FAM13A: variants seen among roughly 807,000 people sequenced by gnomAD.
FAM13A encodes family with sequence similarity 13 member A.
A neutral mutation model predicts 129.6 loss-of-function variants in FAM13A; 76 were observed. The ratio of observed to expected loss-of-function variants is 0.59; its 90% CI spans 0.49 to 0.71. The LOEUF is 0.71. Ranked by LOEUF, FAM13A falls within the 30% of genes least tolerant of loss-of-function variation. FAM13A has a pLI of 0.00. For synonymous variants in FAM13A, 443 were observed against 449.9 expected (o/e 0.98, Z 0.20); for missense variants, 1,108 against 1,249.3 (o/e 0.89, Z 1.70).
chr4:88,919,747 T>A (rs1750708076), intron 5 of FAM13A, among the ~76,000 whole-genome samples: 1 of 152,186 alleles, frequency 6.6e-6, no homozygotes, highest in Non-Finnish European at 1.5e-5. Flanking sequence ...GGGCAAGGCA[T>A]TGCCTCACTC....
intron 4 of FAM13A, among the ~76,000 whole-genome samples, chr4:88,974,317 T>C (rs1010326094): frequency 3.9e-5 from 6 of 152,138 alleles, no homozygotes; most frequent in Non-Finnish European, 7.4e-5. Flanking sequence ...CTGACCAATT[T>C]TGGGGCACTT....
chr4:88,911,607 G>C (rs1319076556), intron 5 of FAM13A, among the ~76,000 whole-genome samples: 3 of 152,086 alleles, frequency 2.0e-5, no homozygotes, highest in African/African-American at 7.2e-5. Context: ...CTTCCCTGTT[G>C]TTGCAATGAG....
intron 1 of FAM13A, among the ~76,000 whole-genome samples, chr4:89,034,466 C>T (rs567841058): frequency 1.6e-4 from 24 of 152,292 alleles, no homozygotes; most frequent in African/African-American, 5.8e-4. Context: ...CATTTATATG[C>T]TGTTGGTAAG....
chr4:88,808,877 A>G (rs1729092938), intron 7 of FAM13A, among the ~76,000 whole-genome samples: 2 of 152,160 alleles, frequency 1.3e-5, no homozygotes, highest in African/African-American at 4.8e-5. Flanking sequence ...TATATTCTCA[A>G]AATAACTGCT....
chr4:88,767,672 GATTTA>G (rs763447821), intron 12 of FAM13A, 77 bp from the exon 13 acceptor site: 1,211 of 1,172,674 alleles, frequency 1.0e-3, no homozygotes, highest in Non-Finnish European at 1.3e-3. Flanking sequence ...CTGATATTAT[GATTTA>G]ATTTAAGAGT....
intron 7 of FAM13A, among the ~76,000 whole-genome samples, chr4:88,841,129 T>A (rs72872141): frequency 0.07 from 10,662 of 152,210 alleles, 532 homozygotes; most frequent in African/African-American, 0.14. Context: ...TGTCATCAAC[T>A]TTATAAACAA....
chr4:88,965,382 G>A (rs1025279047), intron 4 of FAM13A, among the ~76,000 whole-genome samples: 1 of 152,128 alleles, frequency 6.6e-6, no homozygotes, highest in Non-Finnish European at 1.5e-5. Flanking sequence ...TAAACAAAAT[G>A]TTCTTCTTTA....
chr4:88,728,104 T>C lies in FAM13A; in HGVS notation c.*429A>G, dbSNP rs1344590951. On this transcript the variant is annotated 3_prime_UTR_variant, in exon 24 of 24. Coordinates refer to ENST00000264344, the MANE Select transcript of FAM13A (RefSeq NM_014883.4). ...ATGGCCCTCCACAGCAAGTTTGCTC[T>C]ATAGAATAAAGTCCTGAGCTTGTTT... is the stretch of plus-strand genomic sequence containing the variant. 3.1e-5 allele frequency: 5 copies of C among 163,400 alleles called. No individual in the cohort carries two copies. Among genetic ancestry groups the C allele is most frequent in the Non-Finnish European group, 2.7e-5 (2 of 74,326 alleles). The allele number at this position is 163,400 out of a possible 1,614,324, so 10.1% of individuals were successfully genotyped here. A position where few individuals can be genotyped will look rare whatever the true frequency, so the allele number is the denominator to read the frequency against.
At chr4:88,864,687 A>G (rs963757906) in intron 6 of FAM13A, among the ~76,000 whole-genome samples, 18 of 152,208 alleles carry the variant, frequency 1.2e-4, no homozygotes, top group Admixed American at 1.2e-3. Context: ...GATTACAGGC[A>G]TGAGCCACCA....
chr4:89,056,388 T>C (rs1389090533), intron 1 of FAM13A, among the ~76,000 whole-genome samples: 1 of 152,168 alleles, frequency 6.6e-6, no homozygotes, highest in African/African-American at 2.4e-5. Flanking sequence ...TGCTACTGTG[T>C]TATAACAACC....
At chr4:88,779,170 T>C (rs1469168397) in intron 11 of FAM13A, among the ~76,000 whole-genome samples, 1 of 152,214 alleles carries the variant, frequency 6.6e-6, no homozygotes, top group Non-Finnish European at 1.5e-5. Context: ...GTTACCTGTT[T>C]TTCTCACTAT....
In FAM13A at chr4:88,728,481, G is replaced by A. The variant is rs764659890; in HGVS notation, c.*52C>T. On this transcript the variant is annotated 3_prime_UTR_variant, in exon 24 of 24. Transcript: ENST00000264344. Reference sequence around the variant, plus strand: ...CCTTCCAGAGCTGCACTTTCTCTGGGGACAGTAAACTCTCACCGCAGCTGC... The same window carrying A: ...CCTTCCAGAGCTGCACTTTCTCTGGAGACAGTAAACTCTCACCGCAGCTGC... The A allele has an allele frequency of 9.4e-5, 152 of 1,610,546 alleles. No homozygotes were observed. In the Admixed American group the frequency reaches 1.3e-3, roughly 14 times the overall value.
intron 19 of FAM13A, among the ~76,000 whole-genome samples, chr4:88,746,086 A>C (rs918786524): frequency 2.0e-5 from 3 of 152,202 alleles, no homozygotes; most frequent in African/African-American, 7.2e-5. Flanking sequence ...TTAGATGAAA[A>C]GACTATCATA....
At chr4:89,053,448 T>A (rs1771847149) in intron 1 of FAM13A, among the ~76,000 whole-genome samples, 1 of 152,132 alleles carries the variant, frequency 6.6e-6, no homozygotes. Context: ...TTGCTGTGAT[T>A]TAAGTTGATT....
rs773575695 is a variant in FAM13A, at chr4:88,737,486, A to G, written c.2632T>C (p.Phe878Leu). ...PIIEGETASF[F>L]KEIKEEEEGS... ...GGGGTCTTCACCTTTATCTCCTTGA[A>G]GAAGGAAGCAGTTTCGCCCTCGATA... The change falls in exon 21 of 24, where the codon TTC becomes CTC. Residue 878 changes from phenylalanine to leucine, a missense_variant. Coordinates refer to ENST00000264344, the MANE Select transcript of FAM13A (RefSeq NM_014883.4). 1 of 1,613,988 alleles carries G rather than the reference A, an allele frequency of 6.2e-7. No individual in the cohort carries two copies. Among genetic ancestry groups the G allele is most frequent in the South Asian group, 1.1e-5 (1 of 91,070 alleles).
At chr4:88,743,714 G>A (rs373470874) in intron 19 of FAM13A, among the ~76,000 whole-genome samples, 1 of 152,108 alleles carries the variant, frequency 6.6e-6, no homozygotes, top group Non-Finnish European at 1.5e-5. Context: ...CTCTAATAGG[G>A]TTTCGCCAAG....
intron 2 of FAM13A, among the ~76,000 whole-genome samples, chr4:89,024,507 T>C (rs1004030716): frequency 4.6e-5 from 7 of 152,210 alleles, no homozygotes; most frequent in Admixed American, 4.6e-4. Context: ...TGCCAAATTG[T>C]TAAATTGCAT....
intron 8 of FAM13A, among the ~76,000 whole-genome samples, chr4:88,803,852 G>GCCTAAATATAA (rs1728027195): frequency 6.6e-6 from 1 of 152,194 alleles, no homozygotes; most frequent in Non-Finnish European, 1.5e-5. Flanking sequence ...TGAAGTACTA[G>GCCTAAATATAA]TGGTTGAATT....
intron 4 of FAM13A, among the ~76,000 whole-genome samples, chr4:88,983,861 A>G (rs1340488896): frequency 1.3e-5 from 2 of 152,226 alleles, no homozygotes; most frequent in African/African-American, 4.8e-5. Context: ...TCTGAAAAGA[A>G]GAACAAACTT....
Sources: allele counts gnomAD v4.1 joint callset (sites outside exome capture counted in the v4.1 genomes callset), GRCh38; gene constraint gnomAD v4.1.1; transcripts MANE v1.5; gene names NCBI Gene and HGNC (gene_info 2026-07-23, HGNC 2026-07-21).